The following SEZ6 variants were observed in gnomAD, a reference collection of about 807,000 sequenced individuals.
SEZ6 encodes seizure related 6 homolog.
In SEZ6, 53 loss-of-function variants were observed where a neutral mutation model predicts 101.0. That is an observed-to-expected ratio of 0.52 (90% CI 0.42 to 0.66). The LOEUF is 0.66. Ranked by LOEUF, SEZ6 falls within the 30% of genes least tolerant of loss-of-function variation. The pLI, the probability that SEZ6 is intolerant of heterozygous loss-of-function variation, is 0.00. For missense variants in SEZ6, 1,102 were observed against 1,289.4 expected (o/e 0.85, Z 2.23); for synonymous variants, 488 against 512.2 (o/e 0.95, Z 0.64).
Position 28,960,828 on chromosome 17 carries a change from A to C in SEZ6, c.1386T>G (p.Val462=). The change falls in exon 6 of 17, where the codon GTT becomes GTG. Residue 462 remains valine, a synonymous_variant. Transcript: ENST00000317338. The part of the protein sequence containing the change: ...GQRLHLHFEK[V]SLAEDDDRLI... The stretch of plus-strand genomic sequence containing the variant: ...ACCTGTCATCATCCTCTGCCAGGGA[A>C]ACCTTCTCAAAGTGCAGGTGTAGCC... 1 of 1,613,908 alleles carries C rather than the reference A, an allele frequency of 6.2e-7. No individual in the cohort carries two copies.
In SEZ6 at chr17:28,957,543, T is replaced by G; in HGVS notation, c.2303-4A>C. 1.2e-6 allele frequency: 2 copies of G among 1,608,440 alleles called. No homozygotes were observed. Among genetic ancestry groups the G allele is most frequent in the Non-Finnish European group, 1.7e-6 (2 of 1,177,806 alleles). On this transcript the variant is annotated splice_region_variant and splice_polypyrimidine_tract_variant and intron_variant, in intron 11 of 16. Transcript: ENST00000317338. ...CCAGGATCGTGGCAGGAAGTCACTA[T>G]GGGTAGGGGGTGATGGGGAGAAGTA...
At chr17:28,999,509 G>A (rs2041586822) in intron 1 of SEZ6, among the ~76,000 whole-genome samples, 2 of 152,152 alleles carry the variant, frequency 1.3e-5, no homozygotes, top group Non-Finnish European at 2.9e-5. Context: ...TTGGAGAATC[G>A]GCAGGTTTGT....
At chr17:28,989,787 G>A (rs888543540) in intron 1 of SEZ6, among the ~76,000 whole-genome samples, 3 of 152,136 alleles carry the variant, frequency 2.0e-5, no homozygotes, top group African/African-American at 7.2e-5. Context: ...AATGAAAGAG[G>A]CCAGGTGCGG....
intron 4 of SEZ6, among the ~76,000 whole-genome samples, chr17:28,967,308 A>C (rs1236543680): frequency 6.6e-6 from 1 of 152,180 alleles, no homozygotes; most frequent in Non-Finnish European, 1.5e-5. Flanking sequence ...CTATGAGCCC[A>C]TTTTCAGATG....
intron 7 of SEZ6, 123 bp from the exon 8 acceptor site, chr17:28,960,015 C>T (rs1002966706): frequency 9.2e-7 from 1 of 1,089,966 alleles, no homozygotes; most frequent in Non-Finnish European, 1.3e-6. Context: ...AATATATGTC[C>T]TGGGGTTGGA....
intron 1 of SEZ6, among the ~76,000 whole-genome samples, chr17:28,998,392 A>T (rs1413605637): frequency 6.6e-6 from 1 of 151,506 alleles, no homozygotes; most frequent in Non-Finnish European, 1.5e-5. Flanking sequence ...ATGCCACAGT[A>T]TCAAGGTTCT....
At chr17:28,957,310 C>T in intron 12 of SEZ6, 38 bp downstream of exon 12, 1 of 1,610,448 alleles carries the variant, frequency 6.2e-7, no homozygotes, top group African/African-American at 1.3e-5. Flanking sequence ...CTTTTATCTC[C>T]AGCTAGAGGT....
At position 28,963,971 on chromosome 17, in the gene SEZ6, C is replaced by G. The variant is rs200459778; in HGVS notation, c.1231G>C (p.Val411Leu). The change falls in exon 5 of 17, where the codon GTC (valine) becomes CTC (leucine). Residue 411 changes from valine to leucine, a missense_variant. Physicochemically the swap from Val to Leu is conservative, Grantham distance 32 (BLOSUM62 1). This residue lies in a region of SEZ6 where 556 missense variants were observed against 735.1 expected (regional missense o/e 0.76). Coordinates refer to ENST00000317338, the MANE Select transcript of SEZ6 (RefSeq NM_178860.5). ...TCCCCTGGGCACTCACCGATGCAGA[C>G]GGGCTCCTTTGAATCCCAGAAGGGC... ...TQPFWDSKEPVCIAACGGVIR... is the reference protein window; with the variant it reads ...TQPFWDSKEPLCIAACGGVIR... The G allele has an allele frequency of 2.5e-6, 4 of 1,610,940 alleles. No individual in the cohort carries two copies. The highest frequency in any genetic ancestry group is 3.4e-6 in the Non-Finnish European group (4 of 1,178,632).
chr17:28,979,790 C>T lies in SEZ6; in HGVS notation c.748G>A (p.Gly250Ser). 6.2e-7 allele frequency: 1 copy of T among 1,611,282 alleles called. No homozygotes were observed. ...TPGPCSWNFS[G>S]PEGSLDSPTD... ...GGGGAGTCCAGAGAGCCCTCTGGGC[C>T]TGAGAAATTCCAGCTACAAGGGCCT... is the stretch of plus-strand genomic sequence containing the variant. Residue 250 changes from glycine (G) to serine (S), a missense_variant, in exon 3 of 17, where the codon GGC (glycine) becomes AGC (serine). This residue lies in a region of SEZ6 where 406 missense variants were observed against 418.6 expected (regional missense o/e 0.97). Coordinates refer to ENST00000317338, the MANE Select transcript of SEZ6 (RefSeq NM_178860.5).
At chr17:28,998,483 C>G (rs1047379956) in intron 1 of SEZ6, among the ~76,000 whole-genome samples, 2 of 151,908 alleles carry the variant, frequency 1.3e-5, no homozygotes, top group Non-Finnish European at 2.9e-5. Flanking sequence ...GCAGCACATG[C>G]GATTTGGTGC....
At chr17:28,956,101 C>A in intron 16 of SEZ6, 58 bp downstream of exon 16, 1 of 1,598,060 alleles carries the variant, frequency 6.3e-7, no homozygotes, top group Non-Finnish European at 8.6e-7. Flanking sequence ...GGTTATCTGC[C>A]CAAAGAAGCA....
chr17:28,957,647 T>G, intron 11 of SEZ6, 108 bp from the exon 12 acceptor site: 1 of 1,202,890 alleles, frequency 8.3e-7, no homozygotes, highest in Non-Finnish European at 1.2e-6. Context: ...CGTATGGGTC[T>G]ACCCCCTACG....
intron 1 of SEZ6, among the ~76,000 whole-genome samples, chr17:28,994,812 C>T (rs1002511647): frequency 2.6e-5 from 4 of 151,792 alleles, no homozygotes; most frequent in Admixed American, 2.6e-4. Flanking sequence ...TCCGGATGGG[C>T]AGGGGTAGAG....
Position 28,979,660 on chromosome 17 carries a change from G to C in SEZ6, c.858+20C>G. The C allele has an allele frequency of 3.7e-6, 6 of 1,613,830 alleles. No homozygotes were observed. The highest frequency in any genetic ancestry group is 4.2e-6 in the Non-Finnish European group (5 of 1,179,778). ...ATACACCCGCCCCAGCTTTGCCCTT[G>C]CCAGATCCAGATCACTCACCTTGAT... is the stretch of plus-strand genomic sequence containing the variant. On this transcript the variant is annotated intron_variant, in intron 3 of 16. Coordinates refer to ENST00000317338, the MANE Select transcript of SEZ6 (RefSeq NM_178860.5).
Position 28,959,463 on chromosome 17 carries a change from C to G in SEZ6, c.1781G>C (p.Ser594Thr). The change falls in exon 9 of 17, where the codon AGC becomes ACC. Residue 594 changes from serine (S) to threonine (T), a missense_variant. By Grantham distance (58) the Ser-to-Thr change is moderately conservative (BLOSUM62 1). This residue lies in a region of SEZ6 where 556 missense variants were observed against 735.1 expected (regional missense o/e 0.76). Transcript: ENST00000317338. This position sits in a 1 kb window ranked among gnomAD's most constrained non-coding sequence, Gnocchi z 4.4. ...ETEPACRAVC[S>T]GEITDSAGVV... The stretch of plus-strand genomic sequence containing the variant: ...GCCAGCCGAGTCTGTGATCTCCCCG[C>G]TGCACACGGCTGGAAGGCAGAGGAG... 6.2e-7 allele frequency: 1 copy of G among 1,613,192 alleles called. No individual in the cohort carries two copies. The highest frequency in any genetic ancestry group is 8.5e-7 in the Non-Finnish European group (1 of 1,179,850).
Position 28,959,459 on chromosome 17 carries a change from C to T in SEZ6, c.1785G>A (p.Gly595=). 2 of 1,613,452 alleles carry T rather than the reference C, an allele frequency of 1.2e-6. No individual in the cohort carries two copies. The highest frequency in any genetic ancestry group is 2.2e-5 in the East Asian group (1 of 44,876). ...CCACGCCAGCCGAGTCTGTGATCTC[C>T]CCGCTGCACACGGCTGGAAGGCAGA... is the stretch of plus-strand genomic sequence containing the variant. The part of the protein sequence containing the change: ...TEPACRAVCS[G]EITDSAGVVL... The change falls in exon 9 of 17, where the codon GGG becomes GGA. Residue 595 remains glycine, a synonymous_variant. Transcript: ENST00000317338. The surrounding 1 kb of genome is among the most constrained non-coding windows in gnomAD (Gnocchi z 4.4).
chr17:28,970,748 T>G (rs866231106), intron 3 of SEZ6, among the ~76,000 whole-genome samples: 2 of 152,346 alleles, frequency 1.3e-5, no homozygotes, highest in Middle Eastern at 3.4e-3. Flanking sequence ...TTAGATCTGT[T>G]GCTGATCATG....
At chr17:28,992,120 A>G (rs1302604609) in intron 1 of SEZ6, among the ~76,000 whole-genome samples, 1 of 152,218 alleles carries the variant, frequency 6.6e-6, no homozygotes, top group Non-Finnish European at 1.5e-5. Context: ...AGCACCTGCT[A>G]TGGGCTAGCC....
intron 3 of SEZ6, among the ~76,000 whole-genome samples, chr17:28,974,776 GGGAAA>G (rs2041200140): frequency 6.6e-6 from 1 of 152,234 alleles, no homozygotes; most frequent in Non-Finnish European, 1.5e-5. Context: ...AGGGCTGACT[GGGAAA>G]GGGCATCTGG....
Sources: allele counts gnomAD v4.1 joint callset (sites outside exome capture counted in the v4.1 genomes callset), GRCh38; gene constraint gnomAD v4.1.1; regional missense constraint gnomAD v4.1.1; non-coding constraint Gnocchi (gnomAD v3.1); transcripts MANE v1.5; gene names NCBI Gene and HGNC (gene_info 2026-07-23, HGNC 2026-07-21).